The following MLLT3 variants were observed in gnomAD, a reference collection of about 807,000 sequenced individuals.
MLLT3 encodes the protein protein AF-9.
MLLT3 carries 4 observed loss-of-function variants against 53.2 expected under a neutral mutation model. The observed-to-expected ratio is 0.08, with a 90% CI of 0.04 to 0.17. MLLT3 has a LOEUF of 0.17. Ranked by LOEUF, MLLT3 falls within the 10% of genes least tolerant of loss-of-function variation. MLLT3 has a pLI of 1.00. For missense variants in MLLT3, 569 were observed against 684.0 expected (o/e 0.83, Z 1.87); for synonymous variants, 283 against 230.6 (o/e 1.23, Z -2.06).
intron 4 of MLLT3, among the ~76,000 whole-genome samples, chr9:20,439,000 G>A (rs1049813357): frequency 6.6e-5 from 10 of 152,040 alleles, no homozygotes; most frequent in Non-Finnish European, 1.5e-5. Flanking sequence ...GAAAGGGAAG[G>A]TGTGAATCAT....
At chr9:20,405,015 T>C (rs987214295) in intron 5 of MLLT3, among the ~76,000 whole-genome samples, 1 of 152,168 alleles carries the variant, frequency 6.6e-6, no homozygotes, top group African/African-American at 2.4e-5. Flanking sequence ...CGGAGATGCA[T>C]GAGTGCAACC....
At chr9:20,452,336 G>C (rs1429715342) in intron 3 of MLLT3, among the ~76,000 whole-genome samples, 1 of 152,076 alleles carries the variant, frequency 6.6e-6, no homozygotes, top group Non-Finnish European at 1.5e-5. Flanking sequence ...CACAAGATCT[G>C]ATGGTTTTAT....
chr9:20,435,235 G>T (rs767674639), intron 4 of MLLT3, among the ~76,000 whole-genome samples: 1 of 151,890 alleles, frequency 6.6e-6, no homozygotes, highest in Non-Finnish European at 1.5e-5. Flanking sequence ...TTAGAGACAG[G>T]GTCTCAGTAT....
intron 2 of MLLT3, among the ~76,000 whole-genome samples, chr9:20,583,807 TG>T (rs1167760249): frequency 2.6e-5 from 4 of 152,136 alleles, no homozygotes; most frequent in African/African-American, 9.7e-5. Flanking sequence ...TTTTTCTTCC[TG>T]GGACTCTGGG....
chr9:20,581,306 T>C (rs1319170333), intron 2 of MLLT3, among the ~76,000 whole-genome samples: 2 of 152,174 alleles, frequency 1.3e-5, no homozygotes, highest in Non-Finnish European at 2.9e-5. Flanking sequence ...AGAAATTACA[T>C]AAACAAAATT....
At chr9:20,419,441 G>A (rs1289254615) in intron 4 of MLLT3, among the ~76,000 whole-genome samples, 1 of 149,302 alleles carries the variant, frequency 6.7e-6, no homozygotes. Context: ...AGACAGAAGA[G>A]GTAATAATTA....
intron 2 of MLLT3, among the ~76,000 whole-genome samples, chr9:20,610,408 C>A (rs1194816908): frequency 2.6e-5 from 4 of 152,166 alleles, no homozygotes; most frequent in Admixed American, 6.5e-5. Context: ...ATGTGATTCT[C>A]AGCAGACACA....
intron 2 of MLLT3, among the ~76,000 whole-genome samples, chr9:20,575,484 T>C (rs1304167141): frequency 6.6e-6 from 1 of 152,198 alleles, no homozygotes; most frequent in Non-Finnish European, 1.5e-5. Context: ...GCATTTATAA[T>C]GTATACATTC....
At chr9:20,443,774 T>C (rs1823616835) in intron 4 of MLLT3, among the ~76,000 whole-genome samples, 1 of 152,192 alleles carries the variant, frequency 6.6e-6, no homozygotes, top group Non-Finnish European at 1.5e-5. Flanking sequence ...GTACTGGGTA[T>C]CTACTATGTG....
chr9:20,543,839 T>A (rs1818710646), intron 2 of MLLT3, among the ~76,000 whole-genome samples: 2 of 152,282 alleles, frequency 1.3e-5, no homozygotes, highest in East Asian at 1.9e-4. Context: ...AGTGAGCATA[T>A]GCTATTGGAA....
At chr9:20,546,855 G>A (rs991904385) in intron 2 of MLLT3, among the ~76,000 whole-genome samples, 2 of 152,256 alleles carry the variant, frequency 1.3e-5, no homozygotes, top group Non-Finnish European at 2.9e-5. Flanking sequence ...ACTGTTAGAG[G>A]AGGGTGCTAA....
intron 3 of MLLT3, among the ~76,000 whole-genome samples, chr9:20,452,991 T>G (rs1823874089): frequency 6.6e-6 from 1 of 152,220 alleles, no homozygotes; most frequent in African/African-American, 2.4e-5. Context: ...ACACTTAAAA[T>G]TTGTTAAGAA....
intron 2 of MLLT3, among the ~76,000 whole-genome samples, chr9:20,610,714 A>G (rs1225817258): frequency 6.6e-6 from 1 of 152,138 alleles, no homozygotes; most frequent in Non-Finnish European, 1.5e-5. Context: ...GGAAAAAGAG[A>G]TAACATATAC....
chr9:20,477,245 G>C (rs990793347), intron 2 of MLLT3, among the ~76,000 whole-genome samples: 11 of 152,094 alleles, frequency 7.2e-5, no homozygotes, highest in African/African-American at 2.7e-4. Flanking sequence ...TTGACTTTAA[G>C]GTTTGCTCTA....
intron 2 of MLLT3, among the ~76,000 whole-genome samples, chr9:20,522,979 A>G (rs1485384681): frequency 1.3e-5 from 2 of 151,996 alleles, no homozygotes; most frequent in Non-Finnish European, 2.9e-5. Flanking sequence ...AAATAAATAA[A>G]TAAATAAATA....
chr9:20,451,313 T>C (rs1172732550), intron 3 of MLLT3, among the ~76,000 whole-genome samples: 1 of 152,144 alleles, frequency 6.6e-6, no homozygotes, highest in Non-Finnish European at 1.5e-5. Flanking sequence ...CCATATACTT[T>C]TACTAGGAAA....
chr9:20,569,088 C>CA, intron 2 of MLLT3, among the ~76,000 whole-genome samples: 1 of 152,282 alleles, frequency 6.6e-6, no homozygotes, highest in South Asian at 2.1e-4. Context: ...ACTTACACCC[C>CA]TCCTGTCCAT....
At chr9:20,537,614 G>A (rs1818520889) in intron 2 of MLLT3, among the ~76,000 whole-genome samples, 1 of 152,136 alleles carries the variant, frequency 6.6e-6, no homozygotes, top group African/African-American at 2.4e-5. Context: ...TGGTTCCAAT[G>A]TGAATTTTCA....
At chr9:20,611,261 T>A (rs951401933) in intron 2 of MLLT3, among the ~76,000 whole-genome samples, 1 of 151,998 alleles carries the variant, frequency 6.6e-6, no homozygotes, top group East Asian at 1.9e-4. Flanking sequence ...AAATGGGACA[T>A]AAAAACCTAT....
Sources: gnomAD v4.1 joint callset for allele counts (sites outside exome capture counted in the v4.1 genomes callset) on GRCh38, gnomAD v4.1.1 for gene constraint, MANE v1.5 for transcripts, NCBI Gene and HGNC (gene_info 2026-07-23, HGNC 2026-07-21) for gene names.